The following CREB5 variants were observed in gnomAD, a reference collection of about 807,000 sequenced individuals.
CREB5 encodes cyclic AMP-responsive element-binding protein 5.
A neutral mutation model predicts 57.1 loss-of-function variants in CREB5; 19 were observed. The observed-to-expected ratio is 0.33, with a 90% CI of 0.23 to 0.49. The LOEUF (loss-of-function observed/expected upper bound fraction) is 0.49. Ranked by LOEUF, CREB5 falls within the 20% of genes least tolerant of loss-of-function variation. CREB5 has a pLI of 0.99. For synonymous variants in CREB5, 238 were observed against 238.3 expected, an observed-to-expected ratio of 1.00 and a Z score of 0.01; for missense variants, 579 against 671.6, an observed-to-expected ratio of 0.86 and a Z score of 1.52.
chr7:28,741,705 A>C (rs576857901), intron 7 of CREB5, among the ~76,000 whole-genome samples: 9 of 152,262 alleles, frequency 5.9e-5, no homozygotes, highest in Non-Finnish European at 1.2e-4. Context: ...TATCCCTTGG[A>C]TTCATTGTTT....
At chr7:28,564,079 C>T (rs1022300636) in intron 4 of CREB5, among the ~76,000 whole-genome samples, 3 of 152,206 alleles carry the variant, frequency 2.0e-5, no homozygotes, top group African/African-American at 7.2e-5. Context: ...GGGTTAGAAC[C>T]TTTGTTATTC....
chr7:28,535,123 G>A lies in CREB5; in HGVS notation c.291+27386G>A, dbSNP rs956564382. Among the ~76,000 whole-genome samples, 25 of 141,714 alleles carry A rather than the reference G, an allele frequency of 1.8e-4. 6 individuals are homozygous for A. The highest frequency in any genetic ancestry group is 4.3e-4 in the South Asian group (2 of 4,622). The allele number at this position is 141,714 out of a possible 152,430, so 93.0% of individuals were successfully genotyped here. ...GTCCCATGGTCACCCCATCTACACC[G>A]GCTCTTTAAGGCCCAGTGTGGTCAC... On this transcript the variant is annotated intron_variant, in intron 4 of 10. Coordinates refer to ENST00000357727, the MANE Select transcript of CREB5 (RefSeq NM_182898.4).
At chr7:28,404,495 T>C (rs1787537285) in intron 1 of CREB5, among the ~76,000 whole-genome samples, 1 of 152,252 alleles carries the variant, frequency 6.6e-6, no homozygotes, top group Non-Finnish European at 1.5e-5. Flanking sequence ...AATTTGGTGC[T>C]CCTGAGGCAT....
At chr7:28,810,082 A>G (rs1041083361) in intron 9 of CREB5, among the ~76,000 whole-genome samples, 1 of 152,144 alleles carries the variant, frequency 6.6e-6, no homozygotes, top group Non-Finnish European at 1.5e-5. Flanking sequence ...GAGATTTTAT[A>G]ATGAGGCCCA....
intron 1 of CREB5, among the ~76,000 whole-genome samples, chr7:28,443,010 C>A (rs1171688514): frequency 2.0e-5 from 3 of 152,136 alleles, no homozygotes; most frequent in African/African-American, 7.2e-5. Flanking sequence ...TCTCTATATG[C>A]CTTATTTCGT....
rs771427752 is a variant in CREB5, at chr7:28,819,322, C to T, written c.*43C>T. 1.0e-5 allele frequency: 16 copies of T among 1,566,698 alleles called. No individual in the cohort carries two copies. The Admixed American group carries it at 3.1e-4, about 31-fold the overall frequency. Reference sequence around the variant, plus strand: ...GGCCTCCAAGAAGAGCTGTAGCGTACCATGCGTCCTTTCTTTTAAGGGCAT... The same window carrying T: ...GGCCTCCAAGAAGAGCTGTAGCGTATCATGCGTCCTTTCTTTTAAGGGCAT... On this transcript the variant is annotated 3_prime_UTR_variant, in exon 11 of 11. Transcript: ENST00000357727.
chr7:28,412,813 C>G lies in CREB5; in HGVS notation c.-102C>G. On this transcript the variant is annotated 5_prime_UTR_variant, in exon 1 of 11. Coordinates refer to ENST00000357727, the MANE Select transcript of CREB5 (RefSeq NM_182898.4). ...CAAATACTCAAGACTTATTTTCTTC[C>G]TAATCTTGCTGGTGAAACAGAAGTT... 9.0e-7 allele frequency: 1 copy of G among 1,107,806 alleles called. No individual in the cohort carries two copies. The highest frequency in any genetic ancestry group is 1.3e-6 in the Non-Finnish European group (1 of 796,944). 68.6% of individuals were successfully genotyped at this position (1,107,806 alleles called of 1,614,324 possible). A position where few individuals can be genotyped will look rare whatever the true frequency, so the allele number is the denominator to read the frequency against.
At chr7:28,709,856 A>G (rs192845415) in intron 5 of CREB5, among the ~76,000 whole-genome samples, 3 of 152,212 alleles carry the variant, frequency 2.0e-5, no homozygotes, top group South Asian at 2.1e-4. Flanking sequence ...TGCCCTTGTC[A>G]ATATCGATAA....
chr7:28,686,987 T>TG (rs1208979130), intron 5 of CREB5, among the ~76,000 whole-genome samples: 16 of 136,710 alleles, frequency 1.2e-4, no homozygotes, highest in East Asian at 2.1e-4. Context: ...GTTGGGGGGT[T>TG]GGGGGGGCGA....
chr7:28,567,357 C>T (rs1306268178), intron 4 of CREB5, among the ~76,000 whole-genome samples: 1 of 152,182 alleles, frequency 6.6e-6, no homozygotes, highest in African/African-American at 2.4e-5. Flanking sequence ...AGGACATTAG[C>T]ACTCTCGAAA....
chr7:28,443,630 G>A (rs1315980206), intron 1 of CREB5, among the ~76,000 whole-genome samples: 3 of 152,152 alleles, frequency 2.0e-5, no homozygotes, highest in Admixed American at 6.6e-5. Context: ...TTGAATACCT[G>A]TATGTGTTAA....
intron 4 of CREB5, among the ~76,000 whole-genome samples, chr7:28,551,675 C>T (rs1794648499): frequency 6.6e-6 from 1 of 152,150 alleles, no homozygotes; most frequent in African/African-American, 2.4e-5. Flanking sequence ...CGAGACCTGA[C>T]CAAGGTTGCT....
chr7:28,340,081 G>A (rs1228825150), intron 1 of CREB5, among the ~76,000 whole-genome samples: 7 of 152,182 alleles, frequency 4.6e-5, no homozygotes, highest in African/African-American at 1.7e-4. Context: ...CTATCCAAGA[G>A]CCAAGGCCTG....
intron 5 of CREB5, among the ~76,000 whole-genome samples, chr7:28,692,842 T>G (rs1384278506): frequency 1.3e-5 from 2 of 152,208 alleles, no homozygotes; most frequent in Non-Finnish European, 2.9e-5. Context: ...AAGAGTAATT[T>G]CTTAAAGACT....
At chr7:28,409,944 G>C (rs1033261701), upstream of CREB5, 1 of 453,850 alleles carries the variant, frequency 2.2e-6, no homozygotes, top group Non-Finnish European at 4.4e-6. The surrounding 1 kb of genome is among the most constrained non-coding windows in gnomAD (Gnocchi z 4.4). Context: ...AAGCGGCAGC[G>C]GAGACGGCGA....
intron 7 of CREB5, among the ~76,000 whole-genome samples, chr7:28,762,840 C>T (rs1036757762): frequency 6.6e-6 from 1 of 151,874 alleles, no homozygotes; most frequent in African/African-American, 2.4e-5. Flanking sequence ...ATCTTCAATG[C>T]TCCATTTTGT....
intron 1 of CREB5, among the ~76,000 whole-genome samples, chr7:28,312,117 A>T (rs983497615): frequency 6.6e-6 from 1 of 152,028 alleles, no homozygotes; most frequent in African/African-American, 2.4e-5. Context: ...GCTGTTATCA[A>T]CTTGATGTGC....
At chr7:28,377,847 G>C (rs1341136271) in intron 1 of CREB5, among the ~76,000 whole-genome samples, 1 of 149,980 alleles carries the variant, frequency 6.7e-6, no homozygotes, top group African/African-American at 2.5e-5. Flanking sequence ...CAGGAGAAAG[G>C]CGTGAACCCG....
At chr7:28,406,386 C>T (rs1437462821) in intron 1 of CREB5, among the ~76,000 whole-genome samples, 1 of 152,234 alleles carries the variant, frequency 6.6e-6, no homozygotes, top group Non-Finnish European at 1.5e-5. Flanking sequence ...AGGTGCCAGT[C>T]AGCTCTGCAT....
Sources: gnomAD v4.1 joint callset for allele counts (sites outside exome capture counted in the v4.1 genomes callset) on GRCh38, gnomAD v4.1.1 for gene constraint, Gnocchi (gnomAD v3.1) non-coding constraint, MANE v1.5 for transcripts, NCBI Gene and HGNC (gene_info 2026-07-23, HGNC 2026-07-21) for gene names.